S100A2: variants seen among roughly 807,000 people sequenced by gnomAD.
S100A2 encodes S100 calcium binding protein A2.
S100A2 carries 5 observed loss-of-function variants against 4.3 expected under a neutral mutation model. The observed-to-expected ratio is 1.16, with a 90% CI of 0.61 to 2.44. S100A2 has a LOEUF of 2.44. Ranked by LOEUF, S100A2 falls within the 30% of genes most tolerant of loss-of-function variation. S100A2 has a pLI of 0.01. For synonymous variants in S100A2, 44 were observed against 46.0 expected (o/e 0.96, Z 0.17); for missense variants, 103 against 114.7 (o/e 0.90, Z 0.47).
intron 2 of S100A2, 119 bp from the exon 3 acceptor site, chr1:153,561,710 G>C (rs1457781592): frequency 5.6e-6 from 8 of 1,428,892 alleles, no homozygotes; most frequent in Non-Finnish European, 7.8e-6. Context: ...TGGGCAGCTG[G>C]GTATAAGGTG....
In S100A2 at chr1:153,563,882, C is replaced by G. The variant is rs762355218; in HGVS notation, c.-5G>C. 2.5e-6 allele frequency: 4 copies of G among 1,613,498 alleles called. No homozygotes were observed. The highest frequency in any genetic ancestry group is 3.4e-6 in the Non-Finnish European group (4 of 1,179,692). On this transcript the variant is annotated 5_prime_UTR_variant, in exon 2 of 3. Transcript: ENST00000368708. ...CTCCAGAGAACTGCACATCATGGAT[C>G]TGTGGCTGCAGAGGTGCCAGGTGAT...
Position 153,564,015 on chromosome 1 carries a change from G to T in S100A2, c.-10-128C>A, listed in dbSNP as rs187244873. On this transcript the variant is annotated intron_variant, in intron 1 of 2. Coordinates refer to ENST00000368708, the MANE Select transcript of S100A2 (RefSeq NM_005978.4). ...ACCCCTCTCTGAATGGGAAGGCAGG[G>T]GCTGCATCTCCCCCTCAGACTGTGG... is the stretch of plus-strand genomic sequence containing the variant. 304 of 923,392 alleles carry T rather than the reference G, an allele frequency of 3.3e-4. 1 individual carries two copies. The highest frequency in any genetic ancestry group is 4.5e-4 in the Non-Finnish European group (284 of 632,874). The allele number at this position is 923,392 out of a possible 1,614,324, so 57.2% of individuals were successfully genotyped here. A position where few individuals can be genotyped will look rare whatever the true frequency, so the allele number is the denominator to read the frequency against.
chr1:153,563,485 G>C (rs1258845463), intron 2 of S100A2: 3 of 1,550,624 alleles, frequency 1.9e-6, no homozygotes, highest in Non-Finnish European at 2.6e-6. Context: ...CCAATGACAG[G>C]ATTAAACAGA....
intron 1 of S100A2, among the ~76,000 whole-genome samples, chr1:153,564,784 G>A (rs1315181328): frequency 6.9e-6 from 1 of 144,734 alleles, no homozygotes; most frequent in Non-Finnish European, 1.5e-5. Flanking sequence ...GCTGCTTGGG[G>A]CCATGACCCA....
At position 153,565,598 on chromosome 1, in the gene S100A2, C is replaced by G. The variant is rs1384666950; in HGVS notation, c.-103G>C. ...ATATGTGGGCCCCACTGGCCCCCAA[C>G]TTGGCATTTTAAGGAAACCAAACCT... On this transcript the variant is annotated 5_prime_UTR_variant, in exon 1 of 3. Coordinates refer to ENST00000368708, the MANE Select transcript of S100A2 (RefSeq NM_005978.4). 2 of 152,484 alleles carry G rather than the reference C, an allele frequency of 1.3e-5. No homozygotes were observed. Among genetic ancestry groups the G allele is most frequent in the African/African-American group, 4.8e-5 (2 of 41,480 alleles). 9.4% of individuals were successfully genotyped at this position (152,484 alleles called of 1,614,324 possible).
In S100A2 at chr1:153,561,456, A is replaced by G; in HGVS notation, c.280T>C (p.Cys94Arg). 6.2e-6 allele frequency: 10 copies of G among 1,614,048 alleles called. No individual in the cohort carries two copies. The highest frequency in any genetic ancestry group is 8.5e-6 in the Non-Finnish European group (10 of 1,179,878). Residue 94 changes from cysteine to arginine, a missense_variant, in exon 3 of 3, where the codon TGC becomes CGC. Coordinates refer to ENST00000368708, the MANE Select transcript of S100A2 (RefSeq NM_005978.4). Reference sequence around the variant, plus strand: ...GTTCTGCTTCAGGGTCGGTCTGGGCAGCCCTGGAAGAAGTCATTGCACATG... The same window carrying G: ...GTTCTGCTTCAGGGTCGGTCTGGGCGGCCCTGGAAGAAGTCATTGCACATG... ...TVMCNDFFQG[C>R]PDRP
chr1:153,565,015 A>T (rs1276386673), intron 1 of S100A2, among the ~76,000 whole-genome samples: 1 of 151,936 alleles, frequency 6.6e-6, no homozygotes, highest in African/African-American at 2.4e-5. Flanking sequence ...GAACCTGGAG[A>T]AAAACCCTTC....
At chr1:153,562,677 C>A (rs1173408084) in intron 2 of S100A2, among the ~76,000 whole-genome samples, 1 of 152,126 alleles carries the variant, frequency 6.6e-6, no homozygotes, top group Non-Finnish European at 1.5e-5. Flanking sequence ...TCCCTACATA[C>A]TTTCTTAGTT....
intron 2 of S100A2, among the ~76,000 whole-genome samples, chr1:153,561,997 T>C (rs1665904948): frequency 6.6e-6 from 1 of 152,274 alleles, no homozygotes; most frequent in Non-Finnish European, 1.5e-5. Flanking sequence ...GGTCTTGCTC[T>C]GTTGCCCAGG....
rs758899452 is a variant in S100A2 at position 153,563,802 on chromosome 1, C to T, written c.76G>A (p.Asp26Asn). 5.0e-6 allele frequency: 8 copies of T among 1,614,222 alleles called. No individual in the cohort carries two copies. The South Asian group carries it at 6.6e-5, about 13-fold the overall frequency. Residue 26 changes from aspartate to asparagine, a missense_variant, in exon 2 of 3, where the codon GAC (aspartate) becomes AAC (asparagine). Asp to Asn is a conservative substitution (Grantham distance 23). Transcript: ENST00000368708. The part of the protein sequence containing the change: ...TFHKYSCQEG[D>N]KFKLSKGEMK... The stretch of plus-strand genomic sequence containing the variant: ...TCCCCCTTACTCAGCTTGAACTTGT[C>T]GCCCTCTTGGCAGGAGTACTTGTGG...
Position 153,565,169 on chromosome 1 carries a change from G to A in S100A2, c.-11+337C>T, listed in dbSNP as rs532696362. 6.6e-5 allele frequency among the ~76,000 whole-genome samples: 10 copies of A among 151,944 alleles called. No individual in the cohort carries two copies. The South Asian group carries it at 1.3e-3, about 19-fold the overall frequency. ...TACTAAAAATACAAAAAAATTAGCC[G>A]GGCATGGTGGTGGGCGCCTGCAGTC... On this transcript the variant is annotated intron_variant, in intron 1 of 2. Coordinates refer to ENST00000368708, the MANE Select transcript of S100A2 (RefSeq NM_005978.4).
chr1:153,563,462 G>A (rs761961546), intron 2 of S100A2: 2 of 1,550,564 alleles, frequency 1.3e-6, no homozygotes, highest in South Asian at 2.4e-5. Context: ...CTGGGCTCTG[G>A]TTTCTCAAGT....
chr1:153,563,083 G>A (rs558135286), intron 2 of S100A2, among the ~76,000 whole-genome samples: 1 of 151,840 alleles, frequency 6.6e-6, no homozygotes, highest in South Asian at 2.1e-4. Context: ...AGACCAGCCT[G>A]ACCAATATGA....
rs11550733 is a variant in S100A2, at chr1:153,563,751, G to A, written c.127C>T (p.Leu43=). Residue 43 remains leucine, a synonymous_variant, in exon 2 of 3, where the codon CTG becomes TTG. Coordinates refer to ENST00000368708, the MANE Select transcript of S100A2 (RefSeq NM_005978.4). ...CCACTCACCCCCACAAAGCTGGGCA[G>A]CTCCTTGTGCAGAAGTTCCTTCATT... is the stretch of plus-strand genomic sequence containing the variant. The part of the protein sequence containing the change: ...GEMKELLHKE[L]PSFVGEKVDE... The A allele has an allele frequency of 5.6e-6, 9 of 1,614,056 alleles. No homozygotes were observed. Among genetic ancestry groups the A allele is most frequent in the Non-Finnish European group, 6.8e-6 (8 of 1,179,930 alleles).
At chr1:153,564,125 C>T (rs1020662951) in intron 1 of S100A2, 2 of 439,834 alleles carry the variant, frequency 4.5e-6, no homozygotes, top group African/African-American at 4.0e-5. Flanking sequence ...CACCAAGCCT[C>T]CTCTGATGGC....
At chr1:153,564,661 T>C (rs1480234972) in intron 1 of S100A2, among the ~76,000 whole-genome samples, 3 of 151,896 alleles carry the variant, frequency 2.0e-5, no homozygotes, top group Non-Finnish European at 4.4e-5. Context: ...CAGACCAGCC[T>C]GGAAAGGTTA....
chr1:153,563,445 T>C (rs1665939096), intron 2 of S100A2: 1 of 1,550,418 alleles, frequency 6.4e-7, no homozygotes. Flanking sequence ...ACAATCACTT[T>C]TCCCTTCTGG....
Position 153,563,597 on chromosome 1 carries a change from G to C in S100A2, c.144+137C>G, listed in dbSNP as rs1006373146. On this transcript the variant is annotated intron_variant, in intron 2 of 2. Coordinates refer to ENST00000368708, the MANE Select transcript of S100A2 (RefSeq NM_005978.4). Reference sequence around the variant, plus strand: ...CGGGCCTCATTTCCACTCCAGTGGAGCCATGAAGCTAAAGTGGGGAGGGGG... The same window carrying C: ...CGGGCCTCATTTCCACTCCAGTGGACCCATGAAGCTAAAGTGGGGAGGGGG... 1.9e-5 allele frequency: 30 copies of C among 1,556,802 alleles called. No individual in the cohort carries two copies. The East Asian group carries it at 7.3e-4, about 38-fold the overall frequency.
At chr1:153,563,182 G>A (rs1665932641) in intron 2 of S100A2, among the ~76,000 whole-genome samples, 1 of 151,994 alleles carries the variant, frequency 6.6e-6, no homozygotes, top group South Asian at 2.1e-4. Context: ...GACCAGCCTG[G>A]CCAATATGGT....
Sources: gnomAD v4.1 joint callset for allele counts (sites outside exome capture counted in the v4.1 genomes callset) on GRCh38, gnomAD v4.1.1 for gene constraint, MANE v1.5 for transcripts, NCBI Gene and HGNC (gene_info 2026-07-23, HGNC 2026-07-21) for gene names.